The following LAMA4 variants were observed in gnomAD, a reference collection of about 807,000 sequenced individuals.
LAMA4 encodes the protein laminin subunit alpha 4, also known as laminin subunit alpha-4.
LAMA4 carries 127 observed loss-of-function variants against 207.1 expected under a neutral mutation model. The ratio of observed to expected loss-of-function variants is 0.61; its 90% CI spans 0.53 to 0.71. The LOEUF is 0.71. LAMA4 is among the 30% of genes least tolerant of loss of function. LAMA4 has a pLI of 0.00. For missense variants in LAMA4, 2,093 were observed against 2,246.5 expected, an observed-to-expected ratio of 0.93 and a Z score of 1.38; for synonymous variants, 761 against 816.0, an observed-to-expected ratio of 0.93 and a Z score of 1.15.
chr6:112,238,280 T>C (rs949475513), intron 2 of LAMA4, among the ~76,000 whole-genome samples: 1 of 152,214 alleles, frequency 6.6e-6, no homozygotes, highest in East Asian at 1.9e-4. Context: ...TGGCACTTGC[T>C]GAGGTAGTGT....
intron 2 of LAMA4, 42 bp downstream of exon 2, chr6:112,253,914 C>T (rs1554190417): frequency 1.9e-6 from 3 of 1,612,666 alleles, no homozygotes; most frequent in Non-Finnish European, 2.5e-6. Context: ...CCCGCGGGGG[C>T]GCAGGTGCCC....
At position 112,211,997 on chromosome 6, in the gene LAMA4, G is replaced by A. The variant is rs782480115; in HGVS notation, c.297+4371C>T. Among the ~76,000 whole-genome samples the A allele has an allele frequency of 4.3e-4, 65 of 152,078 alleles. 1 individual carries two copies. Among genetic ancestry groups the A allele is most frequent in the Non-Finnish European group, 9.0e-4 (61 of 68,006 alleles). ...CAGGGAGGTTGTGGCTGTGAATTAA[G>A]GCAGTGGGAAGGGATAGAAGAGAGC... is the stretch of plus-strand genomic sequence containing the variant. On this transcript the variant is annotated intron_variant, in intron 3 of 38. Coordinates refer to ENST00000230538, the MANE Select transcript of LAMA4 (RefSeq NM_001105206.3).
intron 10 of LAMA4, among the ~76,000 whole-genome samples, chr6:112,176,014 C>T (rs1583801924): frequency 1.3e-5 from 2 of 152,156 alleles, no homozygotes; most frequent in South Asian, 4.1e-4. Flanking sequence ...GATAGCTGTC[C>T]AAATGAGTCT....
intron 4 of LAMA4, among the ~76,000 whole-genome samples, chr6:112,202,517 C>T (rs1191216626): frequency 2.0e-5 from 3 of 151,864 alleles, no homozygotes; most frequent in African/African-American, 7.3e-5. Flanking sequence ...TACTATACAA[C>T]CAATAAAGTG....
chr6:112,223,979 G>T (rs1255123897), intron 2 of LAMA4, among the ~76,000 whole-genome samples: 5 of 151,978 alleles, frequency 3.3e-5, no homozygotes, highest in Non-Finnish European at 7.4e-5. Context: ...ACTCATCCTT[G>T]TGTCCTCTGC....
At chr6:112,197,958 T>A (rs1253758131) in intron 5 of LAMA4, among the ~76,000 whole-genome samples, 1 of 152,158 alleles carries the variant, frequency 6.6e-6, no homozygotes, top group Admixed American at 6.5e-5. Context: ...CTTAAAGTTA[T>A]TATTAAAATT....
chr6:112,249,293 A>G (rs782329829), intron 2 of LAMA4, among the ~76,000 whole-genome samples: 6 of 152,000 alleles, frequency 3.9e-5, no homozygotes, highest in Non-Finnish European at 7.4e-5. Flanking sequence ...AATACGAAAA[A>G]TTAGTTGGGC....
At chr6:112,128,708 TTAC>T (rs549044790) in intron 31 of LAMA4, among the ~76,000 whole-genome samples, 73 of 152,284 alleles carry the variant, frequency 4.8e-4, no homozygotes, top group Non-Finnish European at 7.9e-4. Flanking sequence ...ATTTGTGCAA[TTAC>T]TACATTTCAA....
At chr6:112,239,883 G>C (rs1554187312) in intron 2 of LAMA4, among the ~76,000 whole-genome samples, 1 of 152,044 alleles carries the variant, frequency 6.6e-6, no homozygotes, top group African/African-American at 2.4e-5. Context: ...CTAACACAGT[G>C]AAACCCCGTC....
intron 28 of LAMA4, among the ~76,000 whole-genome samples, chr6:112,132,359 T>C (rs1554330028): frequency 1.3e-5 from 2 of 152,166 alleles, no homozygotes; most frequent in African/African-American, 2.4e-5. Context: ...ACAATTGTAA[T>C]GTGAAACAAA....
intron 2 of LAMA4, among the ~76,000 whole-genome samples, chr6:112,221,309 T>C (rs1291060063): frequency 6.6e-6 from 1 of 152,196 alleles, no homozygotes; most frequent in Non-Finnish European, 1.5e-5. Flanking sequence ...GTTATTTGCA[T>C]TGTGTTTCCA....
At chr6:112,146,951 G>GTCCC (rs1554334642) in intron 18 of LAMA4, among the ~76,000 whole-genome samples, 1 of 152,120 alleles carries the variant, frequency 6.6e-6, no homozygotes, top group Non-Finnish European at 1.5e-5. Context: ...ATAAGACAGA[G>GTCCC]TCCCCCTGCT....
At chr6:112,215,574 A>G (rs1236142545) in intron 3 of LAMA4, among the ~76,000 whole-genome samples, 2 of 152,222 alleles carry the variant, frequency 1.3e-5, no homozygotes, top group East Asian at 3.8e-4. Context: ...GCTGTATCAC[A>G]CAGCTCACGA....
Position 112,219,477 on chromosome 6 carries a change from C to T in LAMA4, c.196-3008G>A, listed in dbSNP as rs147315067. On this transcript the variant is annotated intron_variant, in intron 2 of 38. Transcript: ENST00000230538. ...CTCTTTTCCACATGAGAAGCCTGTCCTATACTAGACAACTGTAAAAACACA... is the reference window on the plus strand; with the variant it reads ...CTCTTTTCCACATGAGAAGCCTGTCTTATACTAGACAACTGTAAAAACACA... 146 of 152,260 alleles carry T rather than the reference C, an allele frequency of 9.6e-4. 2 individuals are homozygous for T. Among genetic ancestry groups the T allele is most frequent in the African/African-American group, 3.4e-3 (141 of 41,550 alleles). 9.4% of individuals were successfully genotyped at this position (152,260 alleles called of 1,614,324 possible).
At position 112,122,002 on chromosome 6, in the gene LAMA4, G is replaced by A. The variant is rs587670068; in HGVS notation, c.4475+12C>T. The A allele has an allele frequency of 1.2e-5, 19 of 1,607,478 alleles. No individual in the cohort carries two copies. In the African/African-American group the frequency reaches 2.1e-4, roughly 18 times the overall value. On this transcript the variant is annotated intron_variant, in intron 32 of 38. Coordinates refer to ENST00000230538, the MANE Select transcript of LAMA4 (RefSeq NM_001105206.3). The stretch of plus-strand genomic sequence containing the variant: ...GTCATTAGGAGTCTAGGAGTATAGT[G>A]TGTTACTTTACTTGGCACCAAAATC...
At chr6:112,140,645 A>T (rs1361036050) in intron 22 of LAMA4, 115 bp downstream of exon 22, 7 of 920,064 alleles carry the variant, frequency 7.6e-6, no homozygotes, top group Non-Finnish European at 1.0e-5. Flanking sequence ...CTACTCCCCC[A>T]TGAACTAAGC....
At chr6:112,191,233 C>A (rs1783102076) in intron 6 of LAMA4, among the ~76,000 whole-genome samples, 1 of 152,026 alleles carries the variant, frequency 6.6e-6, no homozygotes, top group African/African-American at 2.4e-5. Context: ...CCACCCACCT[C>A]AGCCTCCCAA....
chr6:112,191,980 C>T, intron 5 of LAMA4, 130 bp from the exon 6 acceptor site: 1 of 804,866 alleles, frequency 1.2e-6, no homozygotes. Context: ...TTTGCACTCT[C>T]TCATCTTCTT....
Position 112,119,276 on chromosome 6 carries a change from C to T in LAMA4, c.4701G>A (p.Leu1567=), listed in dbSNP as rs1380391076. 6.2e-7 allele frequency: 1 copy of T among 1,613,916 alleles called. No individual in the cohort carries two copies. The highest frequency in any genetic ancestry group is 8.5e-7 in the Non-Finnish European group (1 of 1,179,932). The change falls in exon 34 of 39, where the codon CTG becomes CTA. Residue 1567 remains leucine, a synonymous_variant. Transcript: ENST00000230538. ...CTAGGACTCGGAGACCATCAATTAC[C>T]AGTCGGCCACTGCTCCTTTCTCGAA... ...IFIRERSSGR[L]VIDGLRVLEE... is the part of the protein sequence containing the mutation.
Sources: allele counts gnomAD v4.1 joint callset (sites outside exome capture counted in the v4.1 genomes callset), GRCh38; gene constraint gnomAD v4.1.1; transcripts MANE v1.5; gene names NCBI Gene and HGNC (gene_info 2026-07-23, HGNC 2026-07-21).